Variants in VSNL1 observed in about 807,000 individuals in gnomAD.
VSNL1 encodes visinin-like protein 1.
A neutral mutation model predicts 20.4 loss-of-function variants in VSNL1; 6 were observed. The observed-to-expected ratio is 0.29, with a 90% CI of 0.16 to 0.58. VSNL1 has a LOEUF of 0.58. VSNL1 is among the 20% of genes least tolerant of loss of function. The pLI, the probability that VSNL1 is intolerant of heterozygous loss-of-function variation, is 0.90. For missense variants in VSNL1, 100 were observed against 234.5 expected, an observed-to-expected ratio of 0.43 and a Z score of 3.75; for synonymous variants, 93 against 86.4, an observed-to-expected ratio of 1.08 and a Z score of -0.42.
chr2:17,563,241 G>C (rs1663859582), intron 1 of VSNL1, among the ~76,000 whole-genome samples: 1 of 152,188 alleles, frequency 6.6e-6, no homozygotes, highest in African/African-American at 2.4e-5. Flanking sequence ...GCAAAACCCA[G>C]CAGGGTTATA....
In VSNL1 at chr2:17,579,736, A is replaced by G. The variant is rs919671046; in HGVS notation, c.-5-12334A>G. 2.0e-5 allele frequency among the ~76,000 whole-genome samples: 3 copies of G among 152,166 alleles called. No homozygotes were observed. In the East Asian group the frequency reaches 5.8e-4, roughly 29 times the overall value. ...ACTTATCAAAGCACCGAAAACCCAC[A>G]CAGGCATTTGGGAGGGCCCTGGGAT... On this transcript the variant is annotated intron_variant, in intron 1 of 3. Transcript: ENST00000295156.
rs577471307 is a variant in VSNL1 at position 17,642,309 on chromosome 2, CT to C, written c.163-7084del. Among the ~76,000 whole-genome samples the C allele has an allele frequency of 2.5e-3, 237 of 93,220 alleles. 12 individuals carry two copies. The highest frequency in any genetic ancestry group is 4.9e-3 in the African/African-American group (128 of 26,188). 61.2% of individuals were successfully genotyped at this position (93,220 alleles called of 152,430 possible). A position where few individuals can be genotyped will look rare whatever the true frequency, so the allele number is the denominator to read the frequency against. ...CTGGCTTTTCCCATGGTGAGCATTC[CT>C]TTTTTTTTTTTTTTTTGAGACAGAG... On this transcript the variant is annotated intron_variant, in intron 2 of 3. Coordinates refer to ENST00000295156, the MANE Select transcript of VSNL1 (RefSeq NM_003385.5).
intron 2 of VSNL1, among the ~76,000 whole-genome samples, chr2:17,604,680 C>A (rs1447741436): frequency 2.0e-5 from 3 of 152,218 alleles, no homozygotes; most frequent in Non-Finnish European, 4.4e-5. Context: ...AGGTGAAATA[C>A]CTTCAGTCTG....
At chr2:17,596,154 C>T (rs1408642345) in intron 2 of VSNL1, among the ~76,000 whole-genome samples, 2 of 152,138 alleles carry the variant, frequency 1.3e-5, no homozygotes, top group African/African-American at 2.4e-5. Context: ...TTGTCACATG[C>T]GTTCTCTGTG....
At chr2:17,607,054 T>C (rs944547125) in intron 2 of VSNL1, among the ~76,000 whole-genome samples, 4 of 152,172 alleles carry the variant, frequency 2.6e-5, no homozygotes, top group African/African-American at 9.7e-5. Flanking sequence ...GCTGCAGAAT[T>C]AGTCCTGAAA....
At chr2:17,652,399 A>T (rs1666140956) in intron 3 of VSNL1, among the ~76,000 whole-genome samples, 1 of 152,250 alleles carries the variant, frequency 6.6e-6, no homozygotes, top group African/African-American at 2.4e-5. Context: ...TGCTATTGAT[A>T]AAAGAAGTAA....
intron 2 of VSNL1, among the ~76,000 whole-genome samples, chr2:17,610,377 G>A (rs1488867606): frequency 1.3e-5 from 2 of 152,144 alleles, no homozygotes; most frequent in Non-Finnish European, 2.9e-5. Context: ...TGGCCCAAGA[G>A]GCTGTGAAAA....
At chr2:17,598,814 C>G (rs2555079) in intron 2 of VSNL1, among the ~76,000 whole-genome samples, 15,520 of 152,192 alleles carry the variant, frequency 0.1, 2,369 homozygotes, top group African/African-American at 0.33. Flanking sequence ...GGCACTAAGA[C>G]AAATGCAGCA....
intron 2 of VSNL1, among the ~76,000 whole-genome samples, chr2:17,607,575 A>G (rs1406872906): frequency 6.6e-6 from 1 of 152,198 alleles, no homozygotes; most frequent in Non-Finnish European, 1.5e-5. Flanking sequence ...GCAAGATTCT[A>G]GAAATCACGT....
chr2:17,542,278 A>G (rs1283548967), intron 1 of VSNL1, among the ~76,000 whole-genome samples: 1 of 152,152 alleles, frequency 6.6e-6, no homozygotes, highest in Admixed American at 6.5e-5. Context: ...ATGCACTCTC[A>G]TTAAGCCTTG....
At chr2:17,546,702 A>T (rs538699089) in intron 1 of VSNL1, among the ~76,000 whole-genome samples, 3 of 152,168 alleles carry the variant, frequency 2.0e-5, no homozygotes, top group Admixed American at 6.5e-5. Context: ...TTATTAATAA[A>T]GTTGAAATGC....
intron 2 of VSNL1, among the ~76,000 whole-genome samples, chr2:17,642,011 T>C (rs1011456857): frequency 1.1e-4 from 17 of 152,326 alleles, no homozygotes; most frequent in African/African-American, 4.1e-4. Context: ...TAAAATATTA[T>C]AGCTAAATGA....
At chr2:17,619,021 G>A (rs1188686145) in intron 2 of VSNL1, among the ~76,000 whole-genome samples, 1 of 152,184 alleles carries the variant, frequency 6.6e-6, no homozygotes, top group African/African-American at 2.4e-5. Context: ...GAATCTGACA[G>A]TCAGGGGCGA....
intron 2 of VSNL1, among the ~76,000 whole-genome samples, chr2:17,622,540 G>GAAAGA (rs1558303580): frequency 2.8e-5 from 1 of 35,836 alleles, no homozygotes; most frequent in African/African-American, 2.1e-4. Flanking sequence ...AGAAAAGAAA[G>GAAAGA]AAAGAAAGAA....
chr2:17,617,822 C>G (rs1181953906), intron 2 of VSNL1, among the ~76,000 whole-genome samples: 2 of 151,934 alleles, frequency 1.3e-5, no homozygotes, highest in African/African-American at 4.8e-5. Context: ...ATTGTTGCCC[C>G]CATCATGTGG....
chr2:17,560,908 G>A (rs1014393755), intron 1 of VSNL1, among the ~76,000 whole-genome samples: 2 of 152,168 alleles, frequency 1.3e-5, no homozygotes, highest in African/African-American at 4.8e-5. Flanking sequence ...CAGGGTAAGA[G>A]CTACTACAAA....
At chr2:17,543,609 A>G (rs1663342938) in intron 1 of VSNL1, among the ~76,000 whole-genome samples, 1 of 152,236 alleles carries the variant, frequency 6.6e-6, no homozygotes, top group South Asian at 2.1e-4. Flanking sequence ...GGGAAGGGAC[A>G]GAAAGACCGA....
chr2:17,568,089 A>T (rs543063573), intron 1 of VSNL1, among the ~76,000 whole-genome samples: 1 of 152,036 alleles, frequency 6.6e-6, no homozygotes, highest in Non-Finnish European at 1.5e-5. Flanking sequence ...TTCTTATATT[A>T]TATTTTTAAT....
At chr2:17,600,347 A>G (rs1664797745) in intron 2 of VSNL1, among the ~76,000 whole-genome samples, 1 of 152,206 alleles carries the variant, frequency 6.6e-6, no homozygotes, top group Non-Finnish European at 1.5e-5. Context: ...CTTCATAAGC[A>G]TTGAATCATC....
Sources: gnomAD v4.1 joint callset for allele counts (sites outside exome capture counted in the v4.1 genomes callset) on GRCh38, gnomAD v4.1.1 for gene constraint, MANE v1.5 for transcripts, NCBI Gene and HGNC (gene_info 2026-07-23, HGNC 2026-07-21) for gene names.